MTRFR: variants seen among roughly 807,000 people sequenced by gnomAD.
The protein encoded by MTRFR is mitochondrial translation release factor in rescue, also known as probable peptide chain release factor C12orf65, mitochondrial.
In MTRFR, 10 loss-of-function variants were observed where a neutral mutation model predicts 11.9. That is an observed-to-expected ratio of 0.84 (90% confidence interval 0.52 to 1.42). The LOEUF (loss-of-function observed/expected upper bound fraction) is 1.42, where lower values mean the gene tolerates loss of function less well. Among genes scored for constraint, MTRFR ranks in the 40% most tolerant of loss-of-function variants. The pLI is 0.00. For missense variants in MTRFR, 196 were observed against 197.9 expected (o/e 0.99, Z 0.06); for synonymous variants, 77 against 79.1 (o/e 0.97, Z 0.14).
chr12:123,244,930 ATTTTTTTTTTTTTTTTTT>A (rs544105176), intron 1 of MTRFR, among the ~76,000 whole-genome samples: 1 of 65,098 alleles, frequency 1.5e-5, no homozygotes, highest in Non-Finnish European at 2.5e-5. Context: ...CGCACCCGGC[ATTTTTTTTTTTTTTTTTT>A]TTTTTTTTTT....
At chr12:123,240,209 CAAAAAA>C (rs55859746) in intron 1 of MTRFR, among the ~76,000 whole-genome samples, 1 of 135,056 alleles carries the variant, frequency 7.4e-6, no homozygotes. Context: ...ATTAAAAATA[CAAAAAA>C]AAAAAAAAAA....
chr12:123,253,211 T>A (rs1427680234), intron 1 of MTRFR, among the ~76,000 whole-genome samples: 1 of 149,622 alleles, frequency 6.7e-6, no homozygotes, highest in Non-Finnish European at 1.5e-5. Flanking sequence ...CCGGCTAATT[T>A]TTGTATTTTT....
At chr12:123,252,265 T>C (rs939757343) in intron 1 of MTRFR, 2 of 151,648 alleles carry the variant, frequency 1.3e-5, no homozygotes, top group Non-Finnish European at 2.9e-5. Context: ...CGAAACCCCA[T>C]CTCTACAAAA....
Position 123,256,979 on chromosome 12 carries a change from A to G in MTRFR, c.449A>G (p.Glu150Gly), listed in dbSNP as rs768913439. The G allele has an allele frequency of 6.2e-7, 1 of 1,612,022 alleles. No individual in the cohort carries two copies. Among genetic ancestry groups the G allele is most frequent in the Non-Finnish European group, 8.5e-7 (1 of 1,179,584 alleles). ...ERKKRAKETLEKKKLLKELWE... is the reference protein window; with the variant it reads ...ERKKRAKETLGKKKLLKELWE... ...AAAAAAAGAGCAAAGGAAACCCTGG[A>G]AAAAAAGAAGCTACTTAAAGAACTG... is the stretch of plus-strand genomic sequence containing the variant. The change falls in exon 3 of 3, where the codon GAA (glutamate) becomes GGA (glycine). Residue 150 changes from glutamate to glycine, a missense_variant. Physicochemically the swap from Glu to Gly is moderately conservative, Grantham distance 98. Transcript: ENST00000253233.
At chr12:123,245,988 C>T (rs2048034179) in intron 1 of MTRFR, among the ~76,000 whole-genome samples, 1 of 152,090 alleles carries the variant, frequency 6.6e-6, no homozygotes, top group Non-Finnish European at 1.5e-5. Context: ...TTCCAATTCT[C>T]AGGGGGAACA....
intron 1 of MTRFR, among the ~76,000 whole-genome samples, chr12:123,239,604 G>A (rs1367470182): frequency 2.0e-5 from 3 of 151,880 alleles, no homozygotes; most frequent in East Asian, 1.9e-4. Context: ...GGGTTTCACC[G>A]TGTTAGCCAG....
chr12:123,254,200 G>A (rs1434147567), intron 2 of MTRFR: 16 of 528,778 alleles, frequency 3.0e-5, no homozygotes, highest in Non-Finnish European at 4.7e-5. Flanking sequence ...TGGAGCCAGG[G>A]TATGGCTGCC....
In MTRFR at chr12:123,253,921, G is replaced by GTGC; in HGVS notation, c.250_252dup (p.Leu84dup). 1 of 1,614,218 alleles carries GTGC rather than the reference G, an allele frequency of 6.2e-7. No homozygotes were observed. The highest frequency in any genetic ancestry group is 8.5e-7 in the Non-Finnish European group (1 of 1,180,036). On this transcript the variant is annotated inframe_insertion, in exon 2 of 3. Coordinates refer to ENST00000253233, the MANE Select transcript of MTRFR (RefSeq NM_152269.5). ...AACCAACAAAACCAGCAACTGCGTG[G>GTGC]TGCTGAAGCACATCCCCTCAGGCAT...
At chr12:123,234,417 A>G (rs957762959) in intron 1 of MTRFR, among the ~76,000 whole-genome samples, 16 of 151,022 alleles carry the variant, frequency 1.1e-4, no homozygotes, top group African/African-American at 3.7e-4. Flanking sequence ...GGTAGGGGGG[A>G]CAAGGTCTCT....
intron 1 of MTRFR, among the ~76,000 whole-genome samples, chr12:123,246,582 T>C (rs1477864797): frequency 1.3e-5 from 2 of 151,866 alleles, no homozygotes; most frequent in African/African-American, 2.4e-5. Context: ...GTCTCCCAAG[T>C]AGCTGGGATT....
At chr12:123,249,904 C>A (rs1047451166) in intron 1 of MTRFR, 1 of 152,200 alleles carries the variant, frequency 6.6e-6, no homozygotes, top group Non-Finnish European at 1.5e-5. Flanking sequence ...TTGTGCTTCT[C>A]GTATTTGGAT....
intron 1 of MTRFR, among the ~76,000 whole-genome samples, chr12:123,238,663 G>A (rs914095909): frequency 6.6e-6 from 1 of 152,144 alleles, no homozygotes; most frequent in Admixed American, 6.5e-5. Context: ...GCAATCAGAA[G>A]AACTTGCTGA....
chr12:123,254,083 C>T, intron 2 of MTRFR, 127 bp downstream of exon 2: 1 of 1,149,820 alleles, frequency 8.7e-7, no homozygotes, highest in Non-Finnish European at 1.2e-6. Flanking sequence ...CCACCCTCTA[C>T]CAGCCAGGCA....
At chr12:123,252,894 C>T (rs2048131106) in intron 1 of MTRFR, among the ~76,000 whole-genome samples, 2 of 152,058 alleles carry the variant, frequency 1.3e-5, no homozygotes, top group South Asian at 4.2e-4. Flanking sequence ...CATCGCACTC[C>T]AGCCTGGGCG....
In MTRFR at chr12:123,253,927, A is replaced by G; in HGVS notation, c.253A>G (p.Lys85Glu). ...CAAAACCAGCAACTGCGTGGTGCTG[A>G]AGCACATCCCCTCAGGCATCGTTGT... Reference protein sequence around the residue: ...TNKTSNCVVLKHIPSGIVVKC... With the variant: ...TNKTSNCVVLEHIPSGIVVKC... The change falls in exon 2 of 3, where the codon AAG (lysine) becomes GAG (glutamate). Residue 85 changes from lysine (K) to glutamate (E), a missense_variant. Transcript: ENST00000253233. 1 of 1,614,212 alleles carries G rather than the reference A, an allele frequency of 6.2e-7. No individual in the cohort carries two copies. Among genetic ancestry groups the G allele is most frequent in the Non-Finnish European group, 8.5e-7 (1 of 1,180,036 alleles).
chr12:123,251,436 G>C (rs2048110325), intron 1 of MTRFR: 1 of 152,218 alleles, frequency 6.6e-6, no homozygotes, highest in African/African-American at 2.4e-5. Flanking sequence ...TTGCTCCTCT[G>C]GCCACCCTCC....
At chr12:123,235,375 C>CAG (rs1385642895) in intron 1 of MTRFR, among the ~76,000 whole-genome samples, 3 of 152,008 alleles carry the variant, frequency 2.0e-5, no homozygotes, top group Non-Finnish European at 4.4e-5. Flanking sequence ...TCGTCAAATA[C>CAG]AGAAAGTCAG....
At chr12:123,246,874 GCA>G (rs2048050813) in intron 1 of MTRFR, among the ~76,000 whole-genome samples, 1 of 151,726 alleles carries the variant, frequency 6.6e-6, no homozygotes, top group Admixed American at 6.6e-5. Flanking sequence ...GGGACTACAG[GCA>G]CACACCACCA....
rs556218989 is a variant in MTRFR at position 123,244,689 on chromosome 12, A to G, written c.-28-8958A>G. On this transcript the variant is annotated intron_variant, in intron 1 of 2. Coordinates refer to ENST00000253233, the MANE Select transcript of MTRFR (RefSeq NM_152269.5). ...GCTCTGTCACCCAGGCTGGAGTGCA[A>G]TGGTGTGATTTTGGCTCACTGCAAC... is the stretch of plus-strand genomic sequence containing the variant. Among the ~76,000 whole-genome samples, 100 of 151,624 alleles carry G rather than the reference A, an allele frequency of 6.6e-4. 1 individual carries two copies. Among genetic ancestry groups the G allele is most frequent in the African/African-American group, 2.3e-3 (97 of 41,356 alleles).
Sources: gnomAD v4.1 joint callset for allele counts (sites outside exome capture counted in the v4.1 genomes callset) on GRCh38, gnomAD v4.1.1 for gene constraint, MANE v1.5 for transcripts, NCBI Gene and HGNC (gene_info 2026-07-23, HGNC 2026-07-21) for gene names.